ADAMTS17: variants seen among roughly 807,000 people sequenced by gnomAD.
ADAMTS17 encodes A disintegrin and metalloproteinase with thrombospondin motifs 17.
A neutral mutation model predicts 141.5 loss-of-function variants in ADAMTS17; 113 were observed. The ratio of observed to expected loss-of-function variants is 0.80; its 90% confidence interval spans 0.69 to 0.93. The LOEUF is 0.93. Among genes scored for constraint, ADAMTS17 ranks in the 40% least tolerant of loss-of-function variants. The pLI, the probability that ADAMTS17 is intolerant of heterozygous loss-of-function variation, is 0.00. For missense variants in ADAMTS17, 1,659 were observed against 1,517.9 expected, an observed-to-expected ratio of 1.09 and a Z score of -1.54; for synonymous variants, 768 against 630.6, an observed-to-expected ratio of 1.22 and a Z score of -3.27.
chr15:100,178,188 G>A (rs527653491), intron 8 of ADAMTS17, among the ~76,000 whole-genome samples: 1 of 151,990 alleles, frequency 6.6e-6, no homozygotes, highest in East Asian at 1.9e-4. Flanking sequence ...GACATGTTAG[G>A]GATTAAGTGT....
chr15:100,191,801 A>T (rs1223825783), intron 8 of ADAMTS17, among the ~76,000 whole-genome samples: 1 of 152,046 alleles, frequency 6.6e-6, no homozygotes, highest in Non-Finnish European at 1.5e-5. Context: ...AGAGGGGAGG[A>T]AGCAAGAAAT....
At chr15:100,237,313 G>A (rs1454089336) in intron 7 of ADAMTS17, among the ~76,000 whole-genome samples, 2 of 152,166 alleles carry the variant, frequency 1.3e-5, no homozygotes, top group Non-Finnish European at 2.9e-5. Context: ...CTGGGCTTCT[G>A]CTCTTTGCTT....
At chr15:100,271,671 T>A (rs1195635249) in intron 4 of ADAMTS17, among the ~76,000 whole-genome samples, 1 of 152,222 alleles carries the variant, frequency 6.6e-6, no homozygotes, top group African/African-American at 2.4e-5. Context: ...TTTCCTCCTA[T>A]TCCGTGGGTT....
At chr15:100,013,393 T>C (rs879609282) in intron 18 of ADAMTS17, among the ~76,000 whole-genome samples, 24 of 152,308 alleles carry the variant, frequency 1.6e-4, no homozygotes, top group Admixed American at 9.8e-4. Context: ...TCTTGTCTGA[T>C]TGCTCTGGAT....
chr15:100,120,884 T>C (rs903737588), intron 12 of ADAMTS17, among the ~76,000 whole-genome samples: 2 of 152,254 alleles, frequency 1.3e-5, no homozygotes, highest in Middle Eastern at 3.2e-3. Context: ...AGCCTGTCCC[T>C]GAGGAAACCC....
intron 7 of ADAMTS17, among the ~76,000 whole-genome samples, chr15:100,229,914 C>T (rs1207485022): frequency 6.6e-6 from 1 of 152,192 alleles, no homozygotes; most frequent in African/African-American, 2.4e-5. Context: ...AATTGCCACA[C>T]AGTCACCTGA....
chr15:100,146,539 C>A (rs1419646998), intron 10 of ADAMTS17, among the ~76,000 whole-genome samples: 1 of 152,120 alleles, frequency 6.6e-6, no homozygotes, highest in African/African-American at 2.4e-5. Flanking sequence ...GTTAACTGCA[C>A]AAATTGTACA....
intron 4 of ADAMTS17, among the ~76,000 whole-genome samples, chr15:100,264,847 C>A (rs1273135070): frequency 6.6e-6 from 1 of 151,280 alleles, no homozygotes; most frequent in East Asian, 1.9e-4. Flanking sequence ...TTAATGGGTA[C>A]AGAGTTTCCG....
intron 15 of ADAMTS17, among the ~76,000 whole-genome samples, chr15:100,092,009 C>T (rs970965615): frequency 6.6e-6 from 1 of 152,128 alleles, no homozygotes; most frequent in African/African-American, 2.4e-5. Flanking sequence ...AAACGAAGAC[C>T]AGAAGGGTGT....
chr15:100,253,989 G>T lies in ADAMTS17; in HGVS notation c.1075+147C>A. The T allele has an allele frequency of 8.0e-6, 6 of 746,324 alleles. No individual in the cohort carries two copies. The South Asian group carries it at 9.6e-5, about 12-fold the overall frequency. 46.2% of individuals were successfully genotyped at this position (746,324 alleles called of 1,614,324 possible). A position where few individuals can be genotyped will look rare whatever the true frequency, so the allele number is the denominator to read the frequency against. On this transcript the variant is annotated intron_variant, in intron 7 of 21. Transcript: ENST00000268070. ...AAATCATTTCAGGAAAATAAAAAAA[G>T]GAAAGTCAAAGACCAACTTACAGGA...
intron 7 of ADAMTS17, among the ~76,000 whole-genome samples, chr15:100,208,133 G>C (rs555028696): frequency 1.2e-4 from 18 of 152,094 alleles, no homozygotes; most frequent in Admixed American, 9.8e-4. Context: ...TACACAGTAG[G>C]CTCTTCCAGG....
intron 2 of ADAMTS17, among the ~76,000 whole-genome samples, chr15:100,336,318 G>C (rs888383144): frequency 6.6e-6 from 1 of 152,116 alleles, no homozygotes; most frequent in Admixed American, 6.5e-5. Context: ...GGACAAAGGC[G>C]GACAAAGAGA....
At chr15:100,309,562 C>G (rs1402469167) in intron 3 of ADAMTS17, among the ~76,000 whole-genome samples, 1 of 152,210 alleles carries the variant, frequency 6.6e-6, no homozygotes, top group East Asian at 1.9e-4. Context: ...TCTCTAATCC[C>G]AAACCCATTC....
At chr15:100,284,426 A>C (rs1402101026) in intron 3 of ADAMTS17, among the ~76,000 whole-genome samples, 1 of 152,224 alleles carries the variant, frequency 6.6e-6, no homozygotes. Flanking sequence ...GGGATGAATA[A>C]TGACACTTGC....
rs1283446453 is a variant in ADAMTS17, at chr15:99,976,221, C to T, written c.2951G>A (p.Cys984Tyr). 2 of 1,544,956 alleles carry T rather than the reference C, an allele frequency of 1.3e-6. No homozygotes were observed. Among genetic ancestry groups the T allele is most frequent in the Non-Finnish European group, 1.7e-6 (2 of 1,146,954 alleles). Residue 984 changes from cysteine to tyrosine, a missense_variant and splice_region_variant, in exon 21 of 22, where the codon TGC (cysteine) becomes TAC (tyrosine). By Grantham distance (194) the Cys-to-Tyr change is radical (BLOSUM62 -2). Transcript: ENST00000268070. Reference sequence around the variant, plus strand: ...CAGGCCCTTCCCGCAGGTCGACGAGCACTGCAGAGACAGGACAGCCTGAGT... The same window carrying T: ...CAGGCCCTTCCCGCAGGTCGACGAGTACTGCAGAGACAGGACAGCCTGAGT... ...YEWKTGDWST[C>Y]SSTCGKGLQS...
At chr15:100,047,079 C>A (rs1416206455) in intron 18 of ADAMTS17, among the ~76,000 whole-genome samples, 1 of 151,872 alleles carries the variant, frequency 6.6e-6, no homozygotes, top group Non-Finnish European at 1.5e-5. Flanking sequence ...CTAAAATGGC[C>A]CCCCTGGGTG....
intron 7 of ADAMTS17, among the ~76,000 whole-genome samples, chr15:100,227,654 G>A (rs571083622): frequency 1.7e-4 from 26 of 152,312 alleles, no homozygotes; most frequent in African/African-American, 6.0e-4. Flanking sequence ...CCTAAGCACT[G>A]TCCTCACACA....
intron 15 of ADAMTS17, chr15:100,074,092 A>G (rs2141754238): frequency 6.5e-6 from 1 of 153,100 alleles, no homozygotes; most frequent in Non-Finnish European, 1.5e-5. Flanking sequence ...GTATAAACAT[A>G]TATATTTCTC....
At chr15:100,030,913 T>C (rs1351401089) in intron 18 of ADAMTS17, among the ~76,000 whole-genome samples, 1 of 152,232 alleles carries the variant, frequency 6.6e-6, no homozygotes, top group Non-Finnish European at 1.5e-5. Flanking sequence ...AAATAATGGA[T>C]AACCCACAAA....
Sources: gnomAD v4.1 joint callset for allele counts (sites outside exome capture counted in the v4.1 genomes callset) on GRCh38, gnomAD v4.1.1 for gene constraint, MANE v1.5 for transcripts, NCBI Gene and HGNC (gene_info 2026-07-23, HGNC 2026-07-21) for gene names.